Variants in FNDC3A observed in about 807,000 individuals in gnomAD.
The protein encoded by FNDC3A is fibronectin type III domain containing 3A.
In FNDC3A, 32 loss-of-function variants were observed where a neutral mutation model predicts 148.9. The observed-to-expected ratio is 0.21, with a 90% CI of 0.16 to 0.29. FNDC3A has a LOEUF of 0.29. Ranked by LOEUF, FNDC3A falls within the 10% of genes least tolerant of loss-of-function variation. FNDC3A has a pLI of 1.00. For missense variants in FNDC3A, 1,191 were observed against 1,452.8 expected, an observed-to-expected ratio of 0.82 and a Z score of 2.93; for synonymous variants, 472 against 473.6, an observed-to-expected ratio of 1.00 and a Z score of 0.04.
chr13:49,148,945 G>T (rs568764444), intron 8 of FNDC3A, among the ~76,000 whole-genome samples: 3 of 151,976 alleles, frequency 2.0e-5, no homozygotes, highest in Non-Finnish European at 2.9e-5. Flanking sequence ...TATTCTTAGG[G>T]TGTTTTTTCT....
At position 49,045,695 on chromosome 13, in the gene FNDC3A, A is replaced by G. The variant is rs1039054442; in HGVS notation, c.100-29594A>G. 33 of 1,154,174 alleles carry G rather than the reference A, an allele frequency of 2.9e-5. 1 individual carries two copies. The Admixed American group carries it at 8.2e-4, about 29-fold the overall frequency. The allele number at this position is 1,154,174 out of a possible 1,614,324, so 71.5% of individuals were successfully genotyped here. A position where few individuals can be genotyped will look rare whatever the true frequency, so the allele number is the denominator to read the frequency against. On this transcript the variant is annotated intron_variant, in intron 2 of 25. Coordinates refer to ENST00000492622, the MANE Select transcript of FNDC3A (RefSeq NM_001079673.2). Reference sequence around the variant, plus strand: ...AGAGAAACAGAGAAACAACTTTGCCACCAATAGCTTGGACCTCTTGATTTT... The same window carrying G: ...AGAGAAACAGAGAAACAACTTTGCCGCCAATAGCTTGGACCTCTTGATTTT...
chr13:49,128,257 A>T (rs1033297626), intron 4 of FNDC3A, among the ~76,000 whole-genome samples: 1 of 152,134 alleles, frequency 6.6e-6, no homozygotes, highest in Non-Finnish European at 1.5e-5. Context: ...AGCTGTGATC[A>T]TCTCTTGCCT....
intron 4 of FNDC3A, among the ~76,000 whole-genome samples, chr13:49,125,644 A>G (rs1304558580): frequency 1.3e-5 from 2 of 152,210 alleles, no homozygotes; most frequent in East Asian, 3.8e-4. Flanking sequence ...AAAAGAACAC[A>G]TATATTTCTG....
intron 8 of FNDC3A, among the ~76,000 whole-genome samples, chr13:49,152,552 G>A (rs542876568): frequency 2.0e-5 from 3 of 151,700 alleles, no homozygotes; most frequent in East Asian, 3.9e-4. Context: ...GGGTGTATGT[G>A]CACATTGTGC....
intron 4 of FNDC3A, among the ~76,000 whole-genome samples, chr13:49,118,434 G>A (rs535606631): frequency 1.3e-5 from 2 of 152,148 alleles, no homozygotes; most frequent in African/African-American, 4.8e-5. Context: ...GCAGGCATTT[G>A]GGCAGACACT....
intron 2 of FNDC3A, among the ~76,000 whole-genome samples, chr13:49,052,522 G>C (rs749514878): frequency 6.6e-6 from 1 of 152,164 alleles, no homozygotes; most frequent in Non-Finnish European, 1.5e-5. Flanking sequence ...CCTGTGATAT[G>C]ATCCATCTTC....
Position 49,168,701 on chromosome 13 carries a change from C to A in FNDC3A, c.1126C>A (p.Pro376Thr), listed in dbSNP as rs1274807570. 2.5e-6 allele frequency: 4 copies of A among 1,613,142 alleles called. No homozygotes were observed. In the Admixed American group the frequency reaches 6.7e-5, roughly 27 times the overall value. The change falls in exon 10 of 26, where the codon CCA becomes ACA. Residue 376 changes from proline to threonine, a missense_variant. Pro to Thr is a conservative substitution (Grantham distance 38). Transcript: ENST00000492622. ...TLSCEPDIPNPPRIANRTKNS... is the reference protein window; with the variant it reads ...TLSCEPDIPNTPRIANRTKNS... The stretch of plus-strand genomic sequence containing the variant: ...GAGCTGTGAACCTGATATACCTAAT[C>A]CACCAAGGATAGCCAATCGGACCAA...
In FNDC3A at chr13:49,196,800, TTAAA is replaced by T. The variant is rs1438943502; in HGVS notation, c.2227-74_2227-71del. On this transcript the variant is annotated intron_variant, in intron 19 of 25. Transcript: ENST00000492622. ...GGGAAAAGACTTTATTAATGAATCT[TTAAA>T]TATGCAGTTCTGTGCAATCAGTGGA... The T allele has an allele frequency of 1.6e-5, 11 of 675,872 alleles. No individual in the cohort carries two copies. The African/African-American group carries it at 2.0e-4, about 12-fold the overall frequency. The allele number at this position is 675,872 out of a possible 1,614,324, so 41.9% of individuals were successfully genotyped here. A position where few individuals can be genotyped will look rare whatever the true frequency, so the allele number is the denominator to read the frequency against.
At chr13:49,196,025 G>A (rs1374211701) in intron 19 of FNDC3A, among the ~76,000 whole-genome samples, 1 of 136,230 alleles carries the variant, frequency 7.3e-6, no homozygotes, top group Non-Finnish European at 1.5e-5. Context: ...AGTGAGCCAT[G>A]TTTGCACCAC....
chr13:49,016,726 C>G (rs1467309283), intron 2 of FNDC3A, among the ~76,000 whole-genome samples: 1 of 152,068 alleles, frequency 6.6e-6, no homozygotes, highest in Admixed American at 6.6e-5. Flanking sequence ...CCTGCTTCCT[C>G]TTGTGGGCAT....
chr13:49,074,667 G>A (rs1264344598), intron 2 of FNDC3A, among the ~76,000 whole-genome samples: 5 of 152,094 alleles, frequency 3.3e-5, no homozygotes, highest in South Asian at 2.1e-4. Flanking sequence ...TGAATATCTT[G>A]TATCTAGAAT....
At chr13:49,046,265 C>A (rs1234102572) in intron 2 of FNDC3A, 3 of 157,198 alleles carry the variant, frequency 1.9e-5, no homozygotes, top group Non-Finnish European at 4.3e-5. Flanking sequence ...CCCTTAGTAA[C>A]AACTCTTTGT....
chr13:49,055,119 T>C (rs1876129962), intron 2 of FNDC3A, among the ~76,000 whole-genome samples: 1 of 152,086 alleles, frequency 6.6e-6, no homozygotes, highest in East Asian at 1.9e-4. Flanking sequence ...TTTTTCTTTT[T>C]TAGAGACAGG....
chr13:49,149,049 A>T (rs2137976608), intron 8 of FNDC3A, among the ~76,000 whole-genome samples: 1 of 151,928 alleles, frequency 6.6e-6, no homozygotes, highest in Non-Finnish European at 1.5e-5. Context: ...TTGTATTTTG[A>T]TTTTATATCC....
Position 49,136,388 on chromosome 13 carries a change from T to C in FNDC3A, c.547T>C (p.Tyr183His). ...TAGAGATGAACGATCTAGTAAAACA[T>C]ATGAACGTTTGCAGAAAAAATTGAA... is the stretch of plus-strand genomic sequence containing the variant. Reference protein sequence around the residue: ...NFRDERSSKTYERLQKKLKDR... With the variant: ...NFRDERSSKTHERLQKKLKDR... The change falls in exon 6 of 26, where the codon TAT (tyrosine) becomes CAT (histidine). Residue 183 changes from tyrosine to histidine, a missense_variant. Physicochemically the swap from Tyr to His is moderately conservative, Grantham distance 83. This residue lies in a region of FNDC3A where 426 missense variants were observed against 473.2 expected (regional missense o/e 0.90). Coordinates refer to ENST00000492622, the MANE Select transcript of FNDC3A (RefSeq NM_001079673.2). The C allele has an allele frequency of 1.2e-6, 2 of 1,613,946 alleles. No individual in the cohort carries two copies. Among genetic ancestry groups the C allele is most frequent in the South Asian group, 1.1e-5 (1 of 91,064 alleles).
chr13:49,093,543 C>T (rs115766806), intron 3 of FNDC3A, among the ~76,000 whole-genome samples: 2,847 of 152,226 alleles, frequency 0.019, 93 homozygotes, highest in African/African-American at 0.064. Flanking sequence ...GAAATTGAGA[C>T]ACAGGTTAAT....
chr13:49,169,521 A>G (rs1004488732), intron 10 of FNDC3A, among the ~76,000 whole-genome samples: 4 of 152,144 alleles, frequency 2.6e-5, no homozygotes, highest in Non-Finnish European at 5.9e-5. Context: ...AGCGCCCTTG[A>G]TCTTCACCCC....
chr13:49,057,967 C>G (rs945602873), intron 2 of FNDC3A, among the ~76,000 whole-genome samples: 1 of 152,014 alleles, frequency 6.6e-6, no homozygotes, highest in African/African-American at 2.4e-5. Flanking sequence ...AGTCCTAACC[C>G]CTAGTACCTC....
intron 8 of FNDC3A, among the ~76,000 whole-genome samples, chr13:49,148,891 A>G (rs1883137194): frequency 6.6e-6 from 1 of 151,968 alleles, no homozygotes; most frequent in Admixed American, 6.6e-5. Context: ...TCAGTGTTTT[A>G]TAGTTTTATC....
Sources: allele counts gnomAD v4.1 joint callset (sites outside exome capture counted in the v4.1 genomes callset), GRCh38; gene constraint gnomAD v4.1.1; regional missense constraint gnomAD v4.1.1; transcripts MANE v1.5; gene names NCBI Gene and HGNC (gene_info 2026-07-23, HGNC 2026-07-21).